The following EYA4 variants were observed in gnomAD, a reference collection of about 807,000 sequenced individuals.
EYA4 encodes EYA transcriptional coactivator and phosphatase 4, also known as protein phosphatase EYA4.
EYA4 carries 31 observed loss-of-function variants against 87.9 expected under a neutral mutation model. The ratio of observed to expected loss-of-function variants is 0.35; its 90% CI spans 0.27 to 0.48. The LOEUF (loss-of-function observed/expected upper bound fraction) is 0.48. Ranked by LOEUF, EYA4 falls within the 20% of genes least tolerant of loss-of-function variation. EYA4 has a pLI of 0.99. For synonymous variants in EYA4, 263 were observed against 270.6 expected (o/e 0.97, Z 0.28); for missense variants, 678 against 761.4 (o/e 0.89, Z 1.29).
chr6:133,271,742 A>G (rs967139483), intron 1 of EYA4, among the ~76,000 whole-genome samples: 1 of 152,130 alleles, frequency 6.6e-6, no homozygotes, highest in African/African-American at 2.4e-5. Context: ...CATCCCTGCC[A>G]CCATGGCCAC....
chr6:133,517,533 CAA>C (rs71742184), intron 17 of EYA4, among the ~76,000 whole-genome samples: 16 of 134,512 alleles, frequency 1.2e-4, no homozygotes, highest in East Asian at 2.1e-4. Context: ...CCTGACAGGG[CAA>C]AAAAAAAAAA....
chr6:133,272,742 C>T (rs1776804558), intron 1 of EYA4, among the ~76,000 whole-genome samples: 1 of 152,138 alleles, frequency 6.6e-6, no homozygotes, highest in Admixed American at 6.5e-5. Flanking sequence ...ATCATATGGC[C>T]CAAGTGGCAG....
chr6:133,393,838 C>A (rs1787519889), intron 3 of EYA4, among the ~76,000 whole-genome samples: 1 of 152,024 alleles, frequency 6.6e-6, no homozygotes, highest in Non-Finnish European at 1.5e-5. Context: ...CTAGGGCTCT[C>A]TCCTGATCAG....
intron 2 of EYA4, among the ~76,000 whole-genome samples, chr6:133,319,382 C>A (rs745807127): frequency 6.6e-5 from 10 of 152,038 alleles, no homozygotes; most frequent in Non-Finnish European, 1.2e-4. Context: ...CTATGGATTG[C>A]GCCTTTTTTT....
chr6:133,478,798 C>G (rs1479049739), intron 11 of EYA4, among the ~76,000 whole-genome samples: 1 of 152,156 alleles, frequency 6.6e-6, no homozygotes, highest in Admixed American at 6.6e-5. Context: ...ACAGTCTTTT[C>G]TCTTTCCTCT....
intron 13 of EYA4, among the ~76,000 whole-genome samples, chr6:133,497,469 G>A (rs1027703667): frequency 5.3e-5 from 8 of 151,910 alleles, no homozygotes; most frequent in Non-Finnish European, 7.4e-5. Flanking sequence ...ACTATTCCTG[G>A]ACATTTCTGA....
chr6:133,247,285 A>G (rs1250125626), intron 1 of EYA4: 1 of 152,250 alleles, frequency 6.6e-6, no homozygotes, highest in African/African-American at 2.4e-5. Context: ...CCAATTATCA[A>G]GAACTTATGA....
intron 13 of EYA4, among the ~76,000 whole-genome samples, chr6:133,489,143 T>C (rs779949967): frequency 2.0e-5 from 3 of 152,076 alleles, no homozygotes; most frequent in Non-Finnish European, 4.4e-5. Context: ...AACAGCAGAA[T>C]TGATAAAGCA....
Position 133,378,123 on chromosome 6 carries a change from T to A in EYA4, c.34-4269T>A, listed in dbSNP as rs1785862312. ...TTAAATAGGTGTACCTTTTTGTATA[T>A]CAATCATACCTCAATAAAGTGAGAT... On this transcript the variant is annotated intron_variant, in intron 2 of 19. Transcript: ENST00000355286. Among the ~76,000 whole-genome samples the A allele has an allele frequency of 2.6e-5, 4 of 152,058 alleles. No homozygotes were observed. In the South Asian group the frequency reaches 6.2e-4, roughly 24 times the overall value.
chr6:133,384,808 C>T lies in EYA4; in HGVS notation c.83+2367C>T, dbSNP rs536166396. Reference sequence around the variant, plus strand: ...CACCAAGGAGAGAATAAAAATATACCGAAGAGCACTCGACACAAAAAGGAT... The same window carrying T: ...CACCAAGGAGAGAATAAAAATATACTGAAGAGCACTCGACACAAAAAGGAT... On this transcript the variant is annotated intron_variant, in intron 3 of 19. Coordinates refer to ENST00000355286, the MANE Select transcript of EYA4 (RefSeq NM_004100.5). 1.4e-4 allele frequency among the ~76,000 whole-genome samples: 21 copies of T among 151,954 alleles called. No homozygotes were observed. The East Asian group carries it at 3.7e-3, about 27-fold the overall frequency.
chr6:133,291,170 T>G (rs1778456824), intron 2 of EYA4, among the ~76,000 whole-genome samples: 1 of 152,224 alleles, frequency 6.6e-6, no homozygotes, highest in Non-Finnish European at 1.5e-5. Context: ...TTTCATCCCC[T>G]GGGCCTTTTA....
chr6:133,404,394 C>T (rs1788526397), intron 3 of EYA4, among the ~76,000 whole-genome samples: 1 of 152,198 alleles, frequency 6.6e-6, no homozygotes, highest in Admixed American at 6.5e-5. Context: ...TTGTCTCTGT[C>T]ACTGTGATCC....
At chr6:133,462,297 C>G in intron 7 of EYA4, 38 bp from the exon 8 acceptor site, 1 of 1,611,250 alleles carries the variant, frequency 6.2e-7, no homozygotes, top group Non-Finnish European at 8.5e-7. Context: ...AATACACAGT[C>G]TTTGTTGCCA....
chr6:133,297,166 A>G (rs1779008438), intron 2 of EYA4, among the ~76,000 whole-genome samples: 2 of 152,174 alleles, frequency 1.3e-5, no homozygotes, highest in South Asian at 2.1e-4. Flanking sequence ...GTCTACACAC[A>G]TGATTTCTTT....
chr6:133,493,392 G>C (rs1012102571), intron 13 of EYA4, among the ~76,000 whole-genome samples: 1 of 152,134 alleles, frequency 6.6e-6, no homozygotes, highest in Non-Finnish European at 1.5e-5. Context: ...GGAGATCCAC[G>C]TGAAGAAGAA....
intron 1 of EYA4, chr6:133,247,163 G>A (rs780684033): frequency 2.6e-5 from 4 of 152,144 alleles, no homozygotes; most frequent in Non-Finnish European, 4.4e-5. Flanking sequence ...TTAAGTATCT[G>A]AAGAAACGTA....
At chr6:133,432,737 T>C (rs757137482) in intron 3 of EYA4, among the ~76,000 whole-genome samples, 3 of 152,186 alleles carry the variant, frequency 2.0e-5, no homozygotes, top group Non-Finnish European at 4.4e-5. Flanking sequence ...CAGGGACTTA[T>C]CACAGGGCCC....
At chr6:133,347,581 G>A (rs1362324994) in intron 2 of EYA4, among the ~76,000 whole-genome samples, 1 of 152,114 alleles carries the variant, frequency 6.6e-6, no homozygotes, top group Non-Finnish European at 1.5e-5. Context: ...TTAACACAGT[G>A]TCTAGTAACA....
At chr6:133,364,619 A>G (rs1432294072) in intron 2 of EYA4, among the ~76,000 whole-genome samples, 4 of 152,230 alleles carry the variant, frequency 2.6e-5, no homozygotes, top group Non-Finnish European at 5.9e-5. Flanking sequence ...ACTCCTCTTG[A>G]AACTGGCGGT....
Sources: allele counts gnomAD v4.1 joint callset (sites outside exome capture counted in the v4.1 genomes callset), GRCh38; gene constraint gnomAD v4.1.1; transcripts MANE v1.5; gene names NCBI Gene and HGNC (gene_info 2026-07-23, HGNC 2026-07-21).